PALM2AKAP2: variants seen among roughly 807,000 people sequenced by gnomAD.
PALM2AKAP2 encodes PALM2 and AKAP2 fusion.
PALM2AKAP2 carries 37 observed loss-of-function variants against 71.5 expected under a neutral mutation model. The ratio of observed to expected loss-of-function variants is 0.52; its 90% confidence interval spans 0.40 to 0.68. The LOEUF (loss-of-function observed/expected upper bound fraction) is 0.68, where lower values mean the gene tolerates loss of function less well. Among genes scored for constraint, PALM2AKAP2 ranks in the 30% least tolerant of loss-of-function variants. The pLI is 0.00. For synonymous variants in PALM2AKAP2, 468 were observed against 478.8 expected, an observed-to-expected ratio of 0.98 and a Z score of 0.29; for missense variants, 1,224 against 1,191.8, an observed-to-expected ratio of 1.03 and a Z score of -0.40.
chr9:109,736,767 G>A (rs565078558), intron 1 of PALM2AKAP2, among the ~76,000 whole-genome samples: 8 of 151,882 alleles, frequency 5.3e-5, no homozygotes, highest in Admixed American at 2.6e-4. Flanking sequence ...CCACTCTCCC[G>A]CCATCCCACC....
chr9:109,780,602 G>A (rs1829427697), intron 1 of PALM2AKAP2, 69 bp downstream of exon 1: 3 of 1,602,640 alleles, frequency 1.9e-6, no homozygotes, highest in Non-Finnish European at 2.6e-6. Flanking sequence ...GAGGGTTTCG[G>A]GGCAAGCGGC....
At chr9:109,842,675 A>AT (rs1050377426) in intron 1 of PALM2AKAP2, among the ~76,000 whole-genome samples, 2 of 152,180 alleles carry the variant, frequency 1.3e-5, no homozygotes, top group African/African-American at 4.8e-5. Flanking sequence ...GATGTGAAAA[A>AT]AAAAACAGAC....
At chr9:110,099,298 C>T (rs774239572) in intron 1 of PALM2AKAP2, among the ~76,000 whole-genome samples, 1 of 152,240 alleles carries the variant, frequency 6.6e-6, no homozygotes, top group Non-Finnish European at 1.5e-5. Flanking sequence ...TGGCAGCTTG[C>T]TGTGTGTTCT....
chr9:110,003,483 G>T (rs1303360998), intron 6 of PALM2AKAP2, among the ~76,000 whole-genome samples: 1 of 152,160 alleles, frequency 6.6e-6, no homozygotes, highest in African/African-American at 2.4e-5. Context: ...GTGTGGTGTG[G>T]TGCTGAAAAG....
chr9:109,979,356 A>C (rs1411259894), intron 6 of PALM2AKAP2, among the ~76,000 whole-genome samples: 3 of 152,126 alleles, frequency 2.0e-5, no homozygotes, highest in Non-Finnish European at 4.4e-5. Flanking sequence ...CCTTGCTCTC[A>C]AGCCCCGCCT....
At position 109,969,793 on chromosome 9, in the gene PALM2AKAP2, C is replaced by G. The variant is rs185829314; in HGVS notation, c.496+37765C>G. Among the ~76,000 whole-genome samples the G allele has an allele frequency of 5.3e-5, 8 of 152,222 alleles. No homozygotes were observed. The East Asian group carries it at 1.5e-3, about 29-fold the overall frequency. ...GCACTCCCACATCCTCACCCCACCCCACCCCAAGTGCAGCCTACAGCCCCT... is the reference window on the plus strand; with the variant it reads ...GCACTCCCACATCCTCACCCCACCCGACCCCAAGTGCAGCCTACAGCCCCT... On this transcript the variant is annotated intron_variant, in intron 6 of 9. Coordinates refer to the PALM2AKAP2 transcript ENST00000302798.
At chr9:109,699,318 A>G (rs1243809624) in intron 1 of PALM2AKAP2, among the ~76,000 whole-genome samples, 1 of 152,246 alleles carries the variant, frequency 6.6e-6, no homozygotes, top group Non-Finnish European at 1.5e-5. Context: ...TGTCTGGTGG[A>G]CAATCAGGCA....
rs138336779 is a variant in PALM2AKAP2, at chr9:109,959,836, G to A, written c.496+27808G>A. 3.0e-4 allele frequency among the ~76,000 whole-genome samples: 45 copies of A among 152,114 alleles called. No individual in the cohort carries two copies. In the Middle Eastern group the frequency reaches 0.02, roughly 69 times the overall value. On this transcript the variant is annotated intron_variant, in intron 6 of 9. Transcript: ENST00000302798. ...CCCTCATTGAATGTTGGAAGGAGAC[G>A]TGGGAATTTTTGGATAATTTCCTGA... is the stretch of plus-strand genomic sequence containing the variant.
intron 1 of PALM2AKAP2, among the ~76,000 whole-genome samples, chr9:110,097,976 C>G (rs568686539): frequency 6.9e-6 from 1 of 144,160 alleles, no homozygotes; most frequent in Non-Finnish European, 1.5e-5. Flanking sequence ...CCGGCCAACA[C>G]AGCGAAACCC....
At chr9:109,680,878 A>G (rs1345860122) in intron 1 of PALM2AKAP2, among the ~76,000 whole-genome samples, 1 of 152,228 alleles carries the variant, frequency 6.6e-6, no homozygotes, top group Non-Finnish European at 1.5e-5. Flanking sequence ...TCCATTCGAG[A>G]TTAATGAAAG....
intron 1 of PALM2AKAP2, among the ~76,000 whole-genome samples, chr9:109,701,671 C>G (rs368748643): frequency 6.6e-6 from 1 of 152,014 alleles, no homozygotes; most frequent in Non-Finnish European, 1.5e-5. Flanking sequence ...TACCATTCAG[C>G]ACATAGGCAT....
chr9:109,654,777 G>GTGTGTA (rs1207933308), intron 1 of PALM2AKAP2, among the ~76,000 whole-genome samples: 9 of 151,508 alleles, frequency 5.9e-5, no homozygotes, highest in Non-Finnish European at 1.3e-4. Flanking sequence ...GTGTGTGTGT[G>GTGTGTA]TATATGTATT....
chr9:110,086,000 G>A (rs891623195), intron 1 of PALM2AKAP2, among the ~76,000 whole-genome samples: 6 of 151,800 alleles, frequency 4.0e-5, no homozygotes, highest in Non-Finnish European at 7.4e-5. Flanking sequence ...CTGGCTACTC[G>A]GGAGGTTGAG....
intron 1 of PALM2AKAP2, among the ~76,000 whole-genome samples, chr9:110,065,522 GC>G (rs1834060682): frequency 6.6e-6 from 1 of 152,140 alleles, no homozygotes; most frequent in African/African-American, 2.4e-5. Flanking sequence ...CATCGTGCCT[GC>G]CCTGTTTTTC....
chr9:109,967,464 C>T (rs980107564), intron 6 of PALM2AKAP2, among the ~76,000 whole-genome samples: 1 of 150,752 alleles, frequency 6.6e-6, no homozygotes, highest in African/African-American at 2.4e-5. Context: ...GGCTAGAGTG[C>T]AGTGGCACGA....
chr9:110,015,854 C>T, intron 6 of PALM2AKAP2, 100 bp from the exon 7 acceptor site: 1 of 1,123,352 alleles, frequency 8.9e-7, no homozygotes, highest in South Asian at 1.3e-5. Context: ...CATCAGCTCC[C>T]TTTACAAGTC....
intron 1 of PALM2AKAP2, among the ~76,000 whole-genome samples, chr9:109,746,603 G>A (rs1244010662): frequency 6.6e-6 from 1 of 152,108 alleles, no homozygotes; most frequent in Non-Finnish European, 1.5e-5. Flanking sequence ...CACACTCAGA[G>A]TCTAGTGTGC....
At chr9:109,655,574 T>C (rs1490324406) in intron 1 of PALM2AKAP2, among the ~76,000 whole-genome samples, 1 of 152,142 alleles carries the variant, frequency 6.6e-6, no homozygotes, top group African/African-American at 2.4e-5. Flanking sequence ...ACTGAAACTC[T>C]CTACCCATAA....
chr9:109,866,992 A>G, intron 1 of PALM2AKAP2: 1 of 456,160 alleles, frequency 2.2e-6, no homozygotes, highest in Admixed American at 2.4e-5. Context: ...GTCCTACAAA[A>G]TTTGAAACAA....
Sources: allele counts gnomAD v4.1 joint callset (sites outside exome capture counted in the v4.1 genomes callset), GRCh38; gene constraint gnomAD v4.1.1; transcripts MANE v1.5; gene names NCBI Gene and HGNC (gene_info 2026-07-23, HGNC 2026-07-21).